The following FBLN2 variants were observed in gnomAD, a reference collection of about 807,000 sequenced individuals.
FBLN2 encodes the protein fibulin-2.
A neutral mutation model predicts 123.7 loss-of-function variants in FBLN2; 81 were observed. That is an observed-to-expected ratio of 0.65 (90% confidence interval 0.55 to 0.79). The LOEUF (loss-of-function observed/expected upper bound fraction) is 0.79. FBLN2 is among the 30% of genes least tolerant of loss of function. The pLI, the probability that FBLN2 is intolerant of heterozygous loss-of-function variation, is 0.00. For synonymous variants in FBLN2, 699 were observed against 701.4 expected, an observed-to-expected ratio of 1.00 and a Z score of 0.05; for missense variants, 1,603 against 1,681.3, an observed-to-expected ratio of 0.95 and a Z score of 0.81.
intron 4 of FBLN2, among the ~76,000 whole-genome samples, chr3:13,612,294 C>CTTTCTTT (rs1443417754): frequency 0.014 from 1,628 of 117,258 alleles, 17 homozygotes; most frequent in Middle Eastern, 0.016. Flanking sequence ...CTTTTATTTT[C>CTTTCTTT]CTTTCTTTCT....
chr3:13,568,310 G>A (rs1206096871), intron 1 of FBLN2, among the ~76,000 whole-genome samples: 1 of 152,190 alleles, frequency 6.6e-6, no homozygotes, highest in African/African-American at 2.4e-5. Context: ...TCTTCTGTCC[G>A]CTGCATCCTA....
chr3:13,636,775 C>T (rs1396234825), intron 17 of FBLN2, among the ~76,000 whole-genome samples: 1 of 152,232 alleles, frequency 6.6e-6, no homozygotes, highest in Non-Finnish European at 1.5e-5. Flanking sequence ...AAAAGACACA[C>T]AGAAAACACC....
At position 13,593,540 on chromosome 3, in the gene FBLN2, C is replaced by A. The variant is rs568086239; in HGVS notation, c.1307-14522C>A. Among the ~76,000 whole-genome samples, 82 of 152,020 alleles carry A rather than the reference C, an allele frequency of 5.4e-4. 3 individuals carry two copies. In the East Asian group the frequency reaches 0.016, roughly 29 times the overall value. ...GCCAGCTTGGCCAGCATGGTGAAACCCCGTCTCTACTAAAAATACAAAAAT... is the reference window on the plus strand; with the variant it reads ...GCCAGCTTGGCCAGCATGGTGAAACACCGTCTCTACTAAAAATACAAAAAT... On this transcript the variant is annotated intron_variant, in intron 2 of 17. Coordinates refer to ENST00000404922, the MANE Select transcript of FBLN2 (RefSeq NM_001004019.2).
chr3:13,610,842 C>A (rs908574272), intron 4 of FBLN2, among the ~76,000 whole-genome samples: 5 of 152,060 alleles, frequency 3.3e-5, no homozygotes, highest in Non-Finnish European at 5.9e-5. Context: ...TCTCATTTGC[C>A]ACCTCTTGGT....
chr3:13,613,225 C>A (rs569802737), intron 4 of FBLN2, among the ~76,000 whole-genome samples: 64 of 152,294 alleles, frequency 4.2e-4, no homozygotes, highest in African/African-American at 1.5e-3. Flanking sequence ...TTGGCCAAAG[C>A]AAGACAGAAG....
At chr3:13,607,509 GGTCAAGTGT>G (rs1232359513) in intron 2 of FBLN2, among the ~76,000 whole-genome samples, 2 of 152,084 alleles carry the variant, frequency 1.3e-5, no homozygotes, top group East Asian at 3.8e-4. Flanking sequence ...TTGTTCCAGG[GGTCAAGTGT>G]GTATTCAACA....
chr3:13,618,680 C>T (rs1001590971), intron 6 of FBLN2, among the ~76,000 whole-genome samples: 3 of 152,158 alleles, frequency 2.0e-5, no homozygotes, highest in African/African-American at 7.2e-5. Context: ...CCCCTCTCTT[C>T]TTCCTTGCCT....
At chr3:13,589,288 G>C (rs1704598129) in intron 2 of FBLN2, among the ~76,000 whole-genome samples, 2 of 152,190 alleles carry the variant, frequency 1.3e-5, no homozygotes, top group Non-Finnish European at 2.9e-5. Flanking sequence ...GGCTGTGGAA[G>C]GGTGAGGCTT....
chr3:13,619,905 G>T, intron 8 of FBLN2, 74 bp downstream of exon 8: 1 of 1,197,980 alleles, frequency 8.3e-7, no homozygotes, highest in South Asian at 1.4e-5. Context: ...AGGTGGGGGT[G>T]GCTGAGACTT....
At chr3:13,579,026 G>C (rs1416652107) in intron 2 of FBLN2, among the ~76,000 whole-genome samples, 1 of 152,224 alleles carries the variant, frequency 6.6e-6, no homozygotes, top group East Asian at 1.9e-4. Context: ...TTGCACTCCA[G>C]CCTGGGCAGC....
chr3:13,609,499 C>T lies in FBLN2; in HGVS notation c.1419-14C>T, dbSNP rs1705317309. ...GGTGGGCGACTGGGGGCTAAGTTACCCCCTCTGTTTCAGGACAGCCCAGAG... is the reference window on the plus strand; with the variant it reads ...GGTGGGCGACTGGGGGCTAAGTTACTCCCTCTGTTTCAGGACAGCCCAGAG... On this transcript the variant is annotated splice_polypyrimidine_tract_variant and intron_variant, in intron 3 of 17. Coordinates refer to ENST00000404922, the MANE Select transcript of FBLN2 (RefSeq NM_001004019.2). 2 of 1,534,230 alleles carry T rather than the reference C, an allele frequency of 1.3e-6. No individual in the cohort carries two copies. The highest frequency in any genetic ancestry group is 1.4e-5 in the African/African-American group (1 of 72,362).
rs1284441222 is a variant in FBLN2 at position 13,570,428 on chromosome 3, G to A, written c.73G>A (p.Ala25Thr). Residue 25 changes from alanine (A) to threonine (T), a missense_variant, in exon 2 of 18, where the codon GCC becomes ACC. Physicochemically the swap from Ala to Thr is moderately conservative, Grantham distance 58. Transcript: ENST00000404922. ...GLALALGPSV[A>T]AAAPRQDCTG... Reference sequence around the variant, plus strand: ...GGCCCTGGCCCTGGGCCCCAGCGTGGCCGCAGCTGCCCCTCGGCAGGACTG... The same window carrying A: ...GGCCCTGGCCCTGGGCCCCAGCGTGACCGCAGCTGCCCCTCGGCAGGACTG... 2 of 1,573,006 alleles carry A rather than the reference G, an allele frequency of 1.3e-6. No individual in the cohort carries two copies. Among genetic ancestry groups the A allele is most frequent in the Non-Finnish European group, 1.7e-6 (2 of 1,160,678 alleles).
At chr3:13,554,811 G>A (rs1703418637) in intron 1 of FBLN2, among the ~76,000 whole-genome samples, 1 of 152,162 alleles carries the variant, frequency 6.6e-6, no homozygotes, top group Non-Finnish European at 1.5e-5. Context: ...GAGGGTGTCA[G>A]CTTCCTTTCT....
At chr3:13,629,565 A>G (rs540751987) in intron 13 of FBLN2, among the ~76,000 whole-genome samples, 1 of 145,168 alleles carries the variant, frequency 6.9e-6, no homozygotes, top group African/African-American at 2.6e-5. Flanking sequence ...GGTCTCTGTC[A>G]CCATCTCTTC....
chr3:13,611,134 A>T (rs1184932086), intron 4 of FBLN2, among the ~76,000 whole-genome samples: 2 of 151,944 alleles, frequency 1.3e-5, no homozygotes, highest in African/African-American at 4.8e-5. Flanking sequence ...TTTACTAGAG[A>T]TGGGGTTTCA....
At position 13,566,857 on chromosome 3, in the gene FBLN2, G is replaced by A. The variant is rs60390060; in HGVS notation, c.-41-3458G>A. On this transcript the variant is annotated intron_variant, in intron 1 of 17. Transcript: ENST00000404922. The stretch of plus-strand genomic sequence containing the variant: ...GAGAAACCCACTGTGTGAGCCAAAC[G>A]AAAGCACTTATGGGCCAGATAATGC... Among the ~76,000 whole-genome samples, 1,279 of 151,046 alleles carry A rather than the reference G, an allele frequency of 8.5e-3. 13 individuals are homozygous for A. The highest frequency in any genetic ancestry group is 0.037 in the Middle Eastern group (11 of 294).
intron 4 of FBLN2, among the ~76,000 whole-genome samples, chr3:13,613,610 G>A (rs961816727): frequency 1.2e-4 from 19 of 152,210 alleles, no homozygotes; most frequent in African/African-American, 4.6e-4. Flanking sequence ...GTCATCCCCA[G>A]TTTAAAGCCC....
chr3:13,614,609 C>CCATCCATCCAT (rs1705521439), intron 5 of FBLN2, among the ~76,000 whole-genome samples: 3 of 86,088 alleles, frequency 3.5e-5, no homozygotes, highest in African/African-American at 3.3e-4. Context: ...CATCCATCCA[C>CCATCCATCCAT]CCATCCACCC....
Position 13,637,651 on chromosome 3 carries a change from G to A in FBLN2, c.3428G>A (p.Gly1143Asp), listed in dbSNP as rs753691862. The change falls in exon 18 of 18, where the codon GGC (glycine) becomes GAC (aspartate). Residue 1143 changes from glycine (G) to aspartate (D), a missense_variant. By Grantham distance (94) the Gly-to-Asp change is moderately conservative (BLOSUM62 -1). Transcript: ENST00000404922. The stretch of plus-strand genomic sequence containing the variant: ...CACTACCAGCTCAACTTCCAGACGG[G>A]CCTCCTGGTGCCTGCGCATATCTTC... ...ITHYQLNFQT[G>D]LLVPAHIFRI... 2 of 1,613,984 alleles carry A rather than the reference G, an allele frequency of 1.2e-6. No homozygotes were observed. Among genetic ancestry groups the A allele is most frequent in the Non-Finnish European group, 1.7e-6 (2 of 1,179,882 alleles).
Sources: allele counts gnomAD v4.1 joint callset (sites outside exome capture counted in the v4.1 genomes callset), GRCh38; gene constraint gnomAD v4.1.1; transcripts MANE v1.5; gene names NCBI Gene and HGNC (gene_info 2026-07-23, HGNC 2026-07-21).